The following GSG1L variants were observed in gnomAD, a reference collection of about 807,000 sequenced individuals.
GSG1L encodes the protein GSG1 like.
Under a neutral mutation model 42.1 loss-of-function variants are expected in GSG1L, and 24 were observed. That is an observed-to-expected ratio of 0.57 (90% CI 0.41 to 0.80). The LOEUF (loss-of-function observed/expected upper bound fraction) is 0.80. GSG1L is among the 30% of genes least tolerant of loss of function. GSG1L has a pLI of 0.00. For synonymous variants in GSG1L, 215 were observed against 203.5 expected, an observed-to-expected ratio of 1.06 and a Z score of -0.48; for missense variants, 445 against 472.2, an observed-to-expected ratio of 0.94 and a Z score of 0.53.
At chr16:27,894,742 C>T (rs2084170673) in intron 2 of GSG1L, among the ~76,000 whole-genome samples, 1 of 152,198 alleles carries the variant, frequency 6.6e-6, no homozygotes, top group South Asian at 2.1e-4. Flanking sequence ...TCTGGGGTCA[C>T]TGAGCCCCCA....
intron 1 of GSG1L, among the ~76,000 whole-genome samples, chr16:28,000,516 C>T (rs967006756): frequency 6.6e-6 from 1 of 152,124 alleles, no homozygotes; most frequent in Non-Finnish European, 1.5e-5. Flanking sequence ...TGCCAGAATC[C>T]ATTTATTTAT....
intron 1 of GSG1L, among the ~76,000 whole-genome samples, chr16:28,003,002 G>T (rs1487782284): frequency 6.6e-6 from 1 of 152,136 alleles, no homozygotes; most frequent in African/African-American, 2.4e-5. Context: ...CAGGCAAAAG[G>T]CACAGCAAGT....
At chr16:28,026,209 G>A (rs972476995) in intron 1 of GSG1L, among the ~76,000 whole-genome samples, 11 of 152,280 alleles carry the variant, frequency 7.2e-5, no homozygotes, top group Middle Eastern at 3.4e-3. Context: ...GCTGGGTCTC[G>A]CAAGATCTTG....
At chr16:27,877,131 G>A (rs1001894864) in intron 3 of GSG1L, among the ~76,000 whole-genome samples, 12 of 152,154 alleles carry the variant, frequency 7.9e-5, no homozygotes, top group Non-Finnish European at 1.5e-4. Context: ...CTGACCACTG[G>A]GGAGCAAGAG....
rs958936574 is a variant in GSG1L at position 27,790,500 on chromosome 16, A to T, written c.*870T>A. ...ATAATAAGAATCTGTTTCTCCAGGC[A>T]TCTAAGCCCTGGGATTTTCTGTAAA... On this transcript the variant is annotated 3_prime_UTR_variant, in exon 7 of 7. Coordinates refer to ENST00000447459, the MANE Select transcript of GSG1L (RefSeq NM_001109763.2). The T allele has an allele frequency of 3.3e-5, 5 of 152,358 alleles. No homozygotes were observed. The highest frequency in any genetic ancestry group is 3.3e-4 in the Admixed American group (5 of 15,304). The allele number at this position is 152,358 out of a possible 1,614,324, so 9.4% of individuals were successfully genotyped here.
chr16:27,977,025 T>C (rs1261326438), intron 1 of GSG1L, among the ~76,000 whole-genome samples: 1 of 152,194 alleles, frequency 6.6e-6, no homozygotes, highest in Non-Finnish European at 1.5e-5. Flanking sequence ...GGCTCGAGTT[T>C]GTCATGTTGC....
chr16:27,947,923 A>G (rs77881936), intron 2 of GSG1L, among the ~76,000 whole-genome samples: 1,740 of 152,228 alleles, frequency 0.011, 35 homozygotes, highest in African/African-American at 0.04. Flanking sequence ...CTAGAAGCAC[A>G]AGAAGAAGAA....
At chr16:28,030,629 G>T (rs2085946494) in intron 1 of GSG1L, among the ~76,000 whole-genome samples, 1 of 152,168 alleles carries the variant, frequency 6.6e-6, no homozygotes, top group Non-Finnish European at 1.5e-5. Flanking sequence ...TGCTTGTGCT[G>T]GTTTGAGCTG....
In GSG1L at chr16:27,938,889, G is replaced by A. The variant is rs559199915; in HGVS notation, c.397+24267C>T. ...GGCAAGGCAGAGCCAAAGTCCAAAT[G>A]GAGCCAAGGTTCTGAGCCTTCTGAA... On this transcript the variant is annotated intron_variant, in intron 2 of 6. Coordinates refer to ENST00000447459, the MANE Select transcript of GSG1L (RefSeq NM_001109763.2). 1.2e-4 allele frequency among the ~76,000 whole-genome samples: 18 copies of A among 152,278 alleles called. 1 individual carries two copies. Among genetic ancestry groups the A allele is most frequent in the African/African-American group, 3.6e-4 (15 of 41,552 alleles).
At position 27,845,022 on chromosome 16, in the gene GSG1L, A is replaced by G. The variant is rs928091453; in HGVS notation, c.590T>C (p.Val197Ala). 42 of 1,613,530 alleles carry G rather than the reference A, an allele frequency of 2.6e-5. No individual in the cohort carries two copies. Among genetic ancestry groups the G allele is most frequent in the Non-Finnish European group, 3.1e-5 (37 of 1,179,772 alleles). ...GMVAHMMYTQ[V>A]FQVTVSLGPE... ...ACCGAGGCTCACGGTGACCTGGAAC[A>G]CCTGCGTGTACATCATGTGGGCGAC... The change falls in exon 4 of 7, where the codon GTG becomes GCG. Residue 197 changes from valine to alanine, a missense_variant. This residue lies in a region of GSG1L where 149 missense variants were observed against 223.3 expected (regional missense o/e 0.67). Coordinates refer to ENST00000447459, the MANE Select transcript of GSG1L (RefSeq NM_001109763.2).
intron 6 of GSG1L, among the ~76,000 whole-genome samples, chr16:27,804,998 A>G (rs980601887): frequency 0.021 from 10 of 476 alleles, no homozygotes; most frequent in Admixed American, 0.071. Context: ...GAGGGCTGTG[A>G]GGACTGGGAT....
chr16:27,979,661 A>AAGAAAGAGAG (rs368394279), intron 1 of GSG1L, among the ~76,000 whole-genome samples: 3 of 67,718 alleles, frequency 4.4e-5, no homozygotes, highest in African/African-American at 1.3e-4. Context: ...GAAAGAAAGA[A>AAGAAAGAGAG]AGAGAGAGAG....
chr16:28,004,561 G>A (rs1189365214), intron 1 of GSG1L, among the ~76,000 whole-genome samples: 1 of 145,228 alleles, frequency 6.9e-6, no homozygotes, highest in Non-Finnish European at 1.5e-5. Context: ...GGTTGCTTGA[G>A]GTCATGAGTT....
Position 27,789,226 on chromosome 16 carries a change from T to A in GSG1L, c.*2144A>T, listed in dbSNP as rs1457647504. ...GGTGTAAGGATAATGGATGGATAGATGATGAATAGATGAAGAAATGGATAA... is the reference window on the plus strand; with the variant it reads ...GGTGTAAGGATAATGGATGGATAGAAGATGAATAGATGAAGAAATGGATAA... On this transcript the variant is annotated 3_prime_UTR_variant, in exon 7 of 7. Coordinates refer to ENST00000447459, the MANE Select transcript of GSG1L (RefSeq NM_001109763.2). 3.3e-5 allele frequency: 5 copies of A among 151,888 alleles called. No individual in the cohort carries two copies. In the East Asian group the frequency reaches 9.7e-4, roughly 29 times the overall value. 9.4% of individuals were successfully genotyped at this position (151,888 alleles called of 1,614,324 possible). A position where few individuals can be genotyped will look rare whatever the true frequency, so the allele number is the denominator to read the frequency against.
At chr16:27,976,892 C>T (rs1262768574) in intron 1 of GSG1L, among the ~76,000 whole-genome samples, 1 of 152,200 alleles carries the variant, frequency 6.6e-6, no homozygotes, top group Non-Finnish European at 1.5e-5. Context: ...CCAGAAGCAA[C>T]ATTTCTCCAC....
chr16:28,016,376 T>A (rs1204735617), intron 1 of GSG1L, among the ~76,000 whole-genome samples: 1 of 152,196 alleles, frequency 6.6e-6, no homozygotes, highest in Non-Finnish European at 1.5e-5. Flanking sequence ...AGGAAGCAGA[T>A]GCTGAGGGTT....
intron 2 of GSG1L, among the ~76,000 whole-genome samples, chr16:27,922,244 C>G (rs900409013): frequency 6.6e-6 from 1 of 152,072 alleles, no homozygotes; most frequent in Admixed American, 6.5e-5. Context: ...GTTTTTCTCT[C>G]TTTATCATTC....
At chr16:27,858,310 G>C (rs1205704684) in intron 3 of GSG1L, among the ~76,000 whole-genome samples, 1 of 152,134 alleles carries the variant, frequency 6.6e-6, no homozygotes, top group Non-Finnish European at 1.5e-5. Flanking sequence ...ACCATCCCTT[G>C]TCCTTTGTAA....
intron 6 of GSG1L, among the ~76,000 whole-genome samples, chr16:27,799,165 A>AG (rs1481399270): frequency 6.6e-6 from 1 of 151,828 alleles, no homozygotes; most frequent in Non-Finnish European, 1.5e-5. Flanking sequence ...GCACTTTGAA[A>AG]GGCTGAAGCG....
Sources: allele counts gnomAD v4.1 joint callset (sites outside exome capture counted in the v4.1 genomes callset), GRCh38; gene constraint gnomAD v4.1.1; regional missense constraint gnomAD v4.1.1; transcripts MANE v1.5; gene names NCBI Gene and HGNC (gene_info 2026-07-23, HGNC 2026-07-21).